Variants in TRPM4 observed in about 807,000 individuals in gnomAD.
TRPM4 encodes transient receptor potential cation channel subfamily M member 4.
In TRPM4, 124 loss-of-function variants were observed where a neutral mutation model predicts 135.6. The ratio of observed to expected loss-of-function variants is 0.91; its 90% CI spans 0.79 to 1.06. The LOEUF is 1.06. Among genes scored for constraint, TRPM4 ranks in the 50% least tolerant of loss-of-function variants. The pLI, the probability that TRPM4 is intolerant of heterozygous loss-of-function variation, is 0.00. For synonymous variants in TRPM4, 745 were observed against 705.6 expected, an observed-to-expected ratio of 1.06 and a Z score of -0.88; for missense variants, 1,658 against 1,671.4, an observed-to-expected ratio of 0.99 and a Z score of 0.14.
intron 2 of TRPM4, chr19:49,158,489 G>C (rs967799660): frequency 5.3e-6 from 3 of 567,442 alleles, no homozygotes; most frequent in African/African-American, 1.9e-5. Flanking sequence ...TCCAGGGCTC[G>C]GTTCTGCTTC....
At chr19:49,196,316 TG>T in intron 16 of TRPM4, 123 bp from the exon 17 acceptor site, 1 of 878,800 alleles carries the variant, frequency 1.1e-6, no homozygotes, top group Non-Finnish European at 1.7e-6. Flanking sequence ...AAATTAGCTC[TG>T]GGCAGACTGA....
Position 49,166,163 on chromosome 19 carries a change from C to T in TRPM4, c.215C>T (p.Thr72Ile), listed in dbSNP as rs759027293. Residue 72 changes from threonine (T) to isoleucine (I), a missense_variant, in exon 3 of 25, where the codon ACC becomes ATC. This residue lies in a region of TRPM4 where 239 missense variants were observed against 240.1 expected (regional missense o/e 1.00). Transcript: ENST00000252826. ...DSDAHTTEKP[T>I]DAYGELDFTG... Reference sequence around the variant, plus strand: ...GATGCACACACCACGGAGAAGCCCACCGATGCCTACGGAGAGCTGGACTTC... The same window carrying T: ...GATGCACACACCACGGAGAAGCCCATCGATGCCTACGGAGAGCTGGACTTC... The T allele has an allele frequency of 1.2e-6, 2 of 1,608,982 alleles. No homozygotes were observed. Among genetic ancestry groups the T allele is most frequent in the South Asian group, 2.2e-5 (2 of 90,086 alleles).
chr19:49,171,282 G>A lies in TRPM4; in HGVS notation c.797-75G>A, dbSNP rs1600419388. On this transcript the variant is annotated intron_variant, in intron 6 of 24. Coordinates refer to ENST00000252826, the MANE Select transcript of TRPM4 (RefSeq NM_017636.4). The surrounding 1 kb of genome is among the most constrained non-coding windows in gnomAD (Gnocchi z 4.7). ...ACAAGGCTGATGTTTGCCGACTCCTGGGAAATGCGGTTTTCTCCTATCTCC... is the reference window on the plus strand; with the variant it reads ...ACAAGGCTGATGTTTGCCGACTCCTAGGAAATGCGGTTTTCTCCTATCTCC... 1 of 1,534,538 alleles carries A rather than the reference G, an allele frequency of 6.5e-7. No homozygotes were observed. Among genetic ancestry groups the A allele is most frequent in the Admixed American group, 1.7e-5 (1 of 59,918 alleles).
rs755300832 is a variant in TRPM4, at chr19:49,168,676, G to A, written c.736G>A (p.Glu246Lys). ...CGGCACACACGGCTGCCTGGGGGGC[G>A]AGAACCGCTTCCGCTTGCGCCTGGA... ...DDGTHGCLGG[E>K]NRFRLRLESY... The change falls in exon 6 of 25, where the codon GAG (glutamate) becomes AAG (lysine). Residue 246 changes from glutamate (E) to lysine (K), a missense_variant. By Grantham distance (56) the Glu-to-Lys change is moderately conservative (BLOSUM62 1). Transcript: ENST00000252826. 52 of 1,612,070 alleles carry A rather than the reference G, an allele frequency of 3.2e-5. No homozygotes were observed. Among genetic ancestry groups the A allele is most frequent in the Non-Finnish European group, 4.1e-5 (48 of 1,179,542 alleles).
rs894297300 is a variant in TRPM4 at position 49,166,820 on chromosome 19, G to A, written c.267+605G>A. Among the ~76,000 whole-genome samples, 3 of 129,864 alleles carry A rather than the reference G, an allele frequency of 2.3e-5. No homozygotes were observed. In the South Asian group the frequency reaches 7.9e-4, roughly 34 times the overall value. 85.2% of individuals were successfully genotyped at this position (129,864 alleles called of 152,430 possible). A position where few individuals can be genotyped will look rare whatever the true frequency, so the allele number is the denominator to read the frequency against. On this transcript the variant is annotated intron_variant, in intron 3 of 24. Coordinates refer to ENST00000252826, the MANE Select transcript of TRPM4 (RefSeq NM_017636.4). ...TGTTTCCCCTTTTCTCTGTGTCTCTGTCCCCGTCTCTCTGGGTCTCTGTCT... is the reference window on the plus strand; with the variant it reads ...TGTTTCCCCTTTTCTCTGTGTCTCTATCCCCGTCTCTCTGGGTCTCTGTCT...
chr19:49,197,364 C>CTCTCTCTT lies in TRPM4; in HGVS notation c.2645+494_2645+501dup, dbSNP rs1555761741. ...TCTTTCTTTCTTTCTTTCTTTCTTT[C>CTCTCTCTT]TCTCTCTTTCTTTTCTTTCTTTCTC... On this transcript the variant is annotated intron_variant, in intron 17 of 24. Transcript: ENST00000252826. Among the ~76,000 whole-genome samples, 422 of 72,528 alleles carry CTCTCTCTT rather than the reference C, an allele frequency of 5.8e-3. 5 individuals are homozygous for CTCTCTCTT. The highest frequency in any genetic ancestry group is 9.3e-3 in the East Asian group (29 of 3,110). The allele number at this position is 72,528 out of a possible 152,430, so 47.6% of individuals were successfully genotyped here. A position where few individuals can be genotyped will look rare whatever the true frequency, so the allele number is the denominator to read the frequency against.
intron 12 of TRPM4, among the ~76,000 whole-genome samples, chr19:49,188,329 G>A (rs933914257): frequency 2.0e-5 from 3 of 151,976 alleles, no homozygotes; most frequent in Non-Finnish European, 2.9e-5. Context: ...GCCTCCCAAC[G>A]TGCTGGGATT....
At chr19:49,190,823 C>T (rs1476742346) in intron 16 of TRPM4, 50 bp downstream of exon 16, 2 of 1,557,786 alleles carry the variant, frequency 1.3e-6, no homozygotes, top group Admixed American at 1.7e-5. Context: ...CTGGGCAGTT[C>T]AGGACATGTG....
intron 15 of TRPM4, 90 bp from the exon 16 acceptor site, chr19:49,190,606 C>A: frequency 7.4e-7 from 1 of 1,344,066 alleles, no homozygotes. Context: ...TCTGCCATGT[C>A]TCCGGGTGAA....
In TRPM4 at chr19:49,183,186, C is replaced by T. The variant is rs780916051; in HGVS notation, c.1717C>T (p.Gln573Ter). 5 of 1,614,176 alleles carry T rather than the reference C, an allele frequency of 3.1e-6. No individual in the cohort carries two copies. The South Asian group carries it at 4.4e-5, about 14-fold the overall frequency. ...TTGGGCACTGTTGCTGAACAGGGCACAGATGGCCATGTACTTCTGGGAGAT... is the reference window on the plus strand; with the variant it reads ...TTGGGCACTGTTGCTGAACAGGGCATAGATGGCCATGTACTTCTGGGAGAT... ...LLWALLLNRA[Q>*]MAMYFWEMGS... The change falls in exon 12 of 25, where the codon CAG becomes TAG. Residue 573 changes from glutamine (Q) to a stop codon, truncating the protein, a stop_gained. Coordinates refer to ENST00000252826, the MANE Select transcript of TRPM4 (RefSeq NM_017636.4). LOFTEE classifies it high-confidence loss of function.
At chr19:49,209,296 G>A (rs1969263498) in intron 20 of TRPM4, among the ~76,000 whole-genome samples, 1 of 152,138 alleles carries the variant, frequency 6.6e-6, no homozygotes. Flanking sequence ...GTTAGGAAAT[G>A]TTCTCTCCTT....
At position 49,193,080 on chromosome 19, in the gene TRPM4, GT is replaced by G. The variant is rs1555758685; in HGVS notation, c.2210+2325del. Among the ~76,000 whole-genome samples, 598 of 132,768 alleles carry G rather than the reference GT, an allele frequency of 4.5e-3. 11 individuals carry two copies. Among genetic ancestry groups the G allele is most frequent in the Admixed American group, 0.019 (244 of 13,026 alleles). 87.1% of individuals were successfully genotyped at this position (132,768 alleles called of 152,430 possible). On this transcript the variant is annotated intron_variant, in intron 16 of 24. Transcript: ENST00000252826. ...GCTCAATTCTTTTGAAAATCAGTTG[GT>G]TTTTTTTTTTTTTTTTTGAGATGGA...
intron 20 of TRPM4, among the ~76,000 whole-genome samples, chr19:49,208,725 T>C (rs113428767): frequency 0.056 from 8,445 of 152,142 alleles, 696 homozygotes; most frequent in African/African-American, 0.17. Context: ...TGGAACAGCT[T>C]GTGCCCTCGG....
At chr19:49,193,143 T>TGC (rs1968476315) in intron 16 of TRPM4, among the ~76,000 whole-genome samples, 4 of 149,372 alleles carry the variant, frequency 2.7e-5, no homozygotes, top group Non-Finnish European at 5.9e-5. Context: ...TGCAGTGGCA[T>TGC]GATCTCGGCT....
rs112431239 is a variant in TRPM4, at chr19:49,198,482, A to T, written c.2645+1608A>T. The stretch of plus-strand genomic sequence containing the variant: ...CCCAACATGGTGAAACCCCATCTCT[A>T]CTAAAAATACAAAAAATTAGCCGGG... On this transcript the variant is annotated intron_variant, in intron 17 of 24. Coordinates refer to ENST00000252826, the MANE Select transcript of TRPM4 (RefSeq NM_017636.4). 5.8e-4 allele frequency among the ~76,000 whole-genome samples: 88 copies of T among 152,106 alleles called. 1 individual carries two copies. The highest frequency in any genetic ancestry group is 2.1e-3 in the African/African-American group (87 of 41,516).
Position 49,182,746 on chromosome 19 carries a change from G to C in TRPM4, c.1432G>C (p.Asp478His). 5 of 1,614,102 alleles carry C rather than the reference G, an allele frequency of 3.1e-6. No individual in the cohort carries two copies. Among genetic ancestry groups the C allele is most frequent in the Non-Finnish European group, 4.2e-6 (5 of 1,179,984 alleles). Residue 478 changes from aspartate to histidine, a missense_variant, in exon 11 of 25, where the codon GAC (aspartate) becomes CAC (histidine). Physicochemically the swap from Asp to His is moderately conservative, Grantham distance 81. Coordinates refer to ENST00000252826, the MANE Select transcript of TRPM4 (RefSeq NM_017636.4). ...PSNSLIRNLLDQASHSAGTKA... is the reference protein window; with the variant it reads ...PSNSLIRNLLHQASHSAGTKA... ...CAACTCGCTCATCCGCAACCTTTTG[G>C]ACCAGGCGTCCCACAGCGCAGGCAC...
At chr19:49,200,203 A>T in intron 17 of TRPM4, 97 bp from the exon 18 acceptor site, 1 of 1,586,260 alleles carries the variant, frequency 6.3e-7, no homozygotes, top group South Asian at 1.1e-5. Context: ...TGCCCGGTGG[A>T]GGCTGCAGCT....
intron 9 of TRPM4, among the ~76,000 whole-genome samples, chr19:49,175,067 C>CT (rs772062913): frequency 0.015 from 1,154 of 77,514 alleles, 7 homozygotes; most frequent in Middle Eastern, 0.018. Flanking sequence ...TCATGCCTGG[C>CT]TTTTTTTTTT....
At chr19:49,200,866 A>C in intron 19 of TRPM4, 81 bp downstream of exon 19, 1 of 1,461,686 alleles carries the variant, frequency 6.8e-7, no homozygotes, top group Non-Finnish European at 9.4e-7. Flanking sequence ...GGCTCTAAGA[A>C]AATATCTGTC....
Sources: gnomAD v4.1 joint callset for allele counts (sites outside exome capture counted in the v4.1 genomes callset) on GRCh38, gnomAD v4.1.1 for gene constraint, gnomAD v4.1.1 regional missense constraint, Gnocchi (gnomAD v3.1) non-coding constraint, MANE v1.5 for transcripts, NCBI Gene and HGNC (gene_info 2026-07-23, HGNC 2026-07-21) for gene names.